Variants in MECOM observed in about 807,000 individuals in gnomAD.
The protein encoded by MECOM is MDS1 and EVI1 complex locus, also known as histone-lysine N-methyltransferase MECOM.
MECOM carries 13 observed loss-of-function variants against 116.3 expected under a neutral mutation model. The observed-to-expected ratio is 0.11, with a 90% confidence interval of 0.07 to 0.18. The LOEUF is 0.18. MECOM is among the 10% of genes least tolerant of loss of function. MECOM has a pLI of 1.00. For missense variants in MECOM, 1,299 were observed against 1,509.0 expected, an observed-to-expected ratio of 0.86 and a Z score of 2.31; for synonymous variants, 528 against 535.2, an observed-to-expected ratio of 0.99 and a Z score of 0.19.
chr3:169,116,189 G>C lies in MECOM; in HGVS notation c.1683C>G (p.Pro561=). ...AGGGCCTCTCTTCAGAGGACCTCTC[G>C]GGCTGGAGCTCCACTGGCTTATTGT... ...VGDNKPVELQ[P]ERSSEERPFE... The change falls in exon 8 of 17, where the codon CCC becomes CCG. Residue 561 remains proline, a synonymous_variant. Transcript: ENST00000651503. 2 of 1,614,098 alleles carry C rather than the reference G, an allele frequency of 1.2e-6. No homozygotes were observed. Among genetic ancestry groups the C allele is most frequent in the Non-Finnish European group, 1.7e-6 (2 of 1,180,020 alleles).
chr3:169,237,950 G>C (rs930060476), intron 2 of MECOM, among the ~76,000 whole-genome samples: 21 of 152,046 alleles, frequency 1.4e-4, no homozygotes, highest in African/African-American at 5.1e-4. Context: ...GTCCAGGCAG[G>C]TGGATCACGA....
At chr3:169,245,896 G>T (rs991618374) in intron 2 of MECOM, among the ~76,000 whole-genome samples, 1 of 152,184 alleles carries the variant, frequency 6.6e-6, no homozygotes, top group Non-Finnish European at 1.5e-5. Flanking sequence ...TAAGAAGAGA[G>T]GGAAAAACTT....
At chr3:169,581,961 T>C (rs1194764680) in intron 1 of MECOM, among the ~76,000 whole-genome samples, 1 of 152,224 alleles carries the variant, frequency 6.6e-6, no homozygotes, top group Non-Finnish European at 1.5e-5. Context: ...CTCTGTTCAC[T>C]TTCTGTTTTC....
chr3:169,446,647 T>C (rs530968788), intron 1 of MECOM, among the ~76,000 whole-genome samples: 79 of 152,224 alleles, frequency 5.2e-4, no homozygotes, highest in Non-Finnish European at 1.0e-3. Context: ...GTTATGTGTG[T>C]TGTGCGTTAT....
chr3:169,237,255 A>C (rs1754178027), intron 2 of MECOM, among the ~76,000 whole-genome samples: 1 of 152,228 alleles, frequency 6.6e-6, no homozygotes, highest in South Asian at 2.1e-4. Context: ...CACATTAAAA[A>C]TAACAATATA....
intron 1 of MECOM, among the ~76,000 whole-genome samples, chr3:169,584,884 A>T (rs1005969397): frequency 1.3e-5 from 2 of 152,230 alleles, no homozygotes; most frequent in African/African-American, 4.8e-5. Context: ...TACTAAGAGG[A>T]TGAAAACTAG....
intron 2 of MECOM, among the ~76,000 whole-genome samples, chr3:169,315,263 T>C (rs1402786691): frequency 1.3e-5 from 2 of 152,232 alleles, no homozygotes; most frequent in Non-Finnish European, 2.9e-5. Flanking sequence ...ATCAGCCCTG[T>C]AGTCCTTGAC....
rs1044010046 is a variant in MECOM at position 169,613,333 on chromosome 3, C to T, written c.37+50003G>A. Among the ~76,000 whole-genome samples the T allele has an allele frequency of 2.6e-5, 4 of 152,200 alleles. No homozygotes were observed. In the South Asian group the frequency reaches 6.2e-4, roughly 24 times the overall value. On this transcript the variant is annotated intron_variant, in intron 1 of 16. Transcript: ENST00000651503. ...AAGCCCCTACTACTCATCAATTAGA[C>T]AGCACCTTGTTTTTAACATCGGGGC...
intron 2 of MECOM, among the ~76,000 whole-genome samples, chr3:169,360,419 A>G (rs1316223109): frequency 1.3e-5 from 2 of 151,546 alleles, no homozygotes. Flanking sequence ...TAGATGTGAA[A>G]AGCTGTAATA....
chr3:169,559,248 A>C (rs1193623015), intron 1 of MECOM, among the ~76,000 whole-genome samples: 1 of 152,190 alleles, frequency 6.6e-6, no homozygotes, highest in African/African-American at 2.4e-5. Context: ...AATTTATATC[A>C]CTTTTCATAG....
intron 2 of MECOM, among the ~76,000 whole-genome samples, chr3:169,273,038 A>G (rs1473294492): frequency 1.3e-5 from 2 of 152,152 alleles, no homozygotes; most frequent in Non-Finnish European, 2.9e-5. Context: ...AAACACAGAA[A>G]TATGAAAAAC....
intron 2 of MECOM, among the ~76,000 whole-genome samples, chr3:169,375,881 G>T (rs370328315): frequency 2.1e-5 from 1 of 47,752 alleles, no homozygotes; most frequent in Non-Finnish European, 4.8e-5. Context: ...AACAAAAAAA[G>T]AAAATTTCAG....
At chr3:169,210,416 G>A (rs769118751) in intron 2 of MECOM, among the ~76,000 whole-genome samples, 6 of 151,988 alleles carry the variant, frequency 3.9e-5, no homozygotes, top group East Asian at 1.9e-4. Context: ...CTGAAAACAC[G>A]GCGGCATTAT....
chr3:169,523,827 A>T (rs2109098410), intron 1 of MECOM, among the ~76,000 whole-genome samples: 1 of 151,426 alleles, frequency 6.6e-6, no homozygotes, highest in East Asian at 2.0e-4. Flanking sequence ...ATACACACAT[A>T]TATATATGCA....
At chr3:169,338,740 C>T (rs1724001931) in intron 2 of MECOM, among the ~76,000 whole-genome samples, 1 of 151,836 alleles carries the variant, frequency 6.6e-6, no homozygotes, top group Non-Finnish European at 1.5e-5. Flanking sequence ...TTTCATTCTG[C>T]TGTTATACTA....
intron 2 of MECOM, among the ~76,000 whole-genome samples, chr3:169,162,877 T>C (rs1743048944): frequency 6.6e-6 from 1 of 152,212 alleles, no homozygotes; most frequent in Non-Finnish European, 1.5e-5. Context: ...ATTCTTTTTT[T>C]AATCTAATAA....
intron 2 of MECOM, among the ~76,000 whole-genome samples, chr3:169,365,564 T>A (rs1438928960): frequency 6.6e-6 from 1 of 152,070 alleles, no homozygotes; most frequent in Non-Finnish European, 1.5e-5. Flanking sequence ...GTGGTACATT[T>A]CTATTACCTA....
chr3:169,358,785 TATAAC>T (rs1727730208), intron 2 of MECOM, among the ~76,000 whole-genome samples: 1 of 151,680 alleles, frequency 6.6e-6, no homozygotes, highest in South Asian at 2.1e-4. Context: ...TTATAAGACT[TATAAC>T]AAAGTTAAAA....
rs544917544 is a variant in MECOM at position 169,637,427 on chromosome 3, G to C, written c.37+25909C>G. 2.6e-5 allele frequency among the ~76,000 whole-genome samples: 4 copies of C among 152,310 alleles called. No homozygotes were observed. The South Asian group carries it at 8.3e-4, about 32-fold the overall frequency. On this transcript the variant is annotated intron_variant, in intron 1 of 16. Coordinates refer to ENST00000651503, the MANE Select transcript of MECOM (RefSeq NM_004991.4). ...TGGAATCAGACCCAACTTGGAGACT[G>C]TGGATAGCAGAATCTACTTTTATTC...
Sources: gnomAD v4.1 joint callset for allele counts (sites outside exome capture counted in the v4.1 genomes callset) on GRCh38, gnomAD v4.1.1 for gene constraint, MANE v1.5 for transcripts, NCBI Gene and HGNC (gene_info 2026-07-23, HGNC 2026-07-21) for gene names.